Variants in TTC8 observed in about 807,000 individuals in gnomAD.
TTC8 encodes the protein tetratricopeptide repeat protein 8.
TTC8 carries 47 observed loss-of-function variants against 72.5 expected under a neutral mutation model. The observed-to-expected ratio is 0.65, with a 90% CI of 0.51 to 0.83. The LOEUF (loss-of-function observed/expected upper bound fraction) is 0.83, where lower values mean the gene tolerates loss of function less well. TTC8 is among the 40% of genes least tolerant of loss of function. TTC8 has a pLI of 0.00. For missense variants in TTC8, 611 were observed against 623.2 expected, an observed-to-expected ratio of 0.98 and a Z score of 0.21; for synonymous variants, 199 against 221.4, an observed-to-expected ratio of 0.90 and a Z score of 0.90.
downstream of TTC8, chr14:88,880,995 G>T (rs1454870741): frequency 6.6e-6 from 1 of 151,928 alleles, no homozygotes; most frequent in Non-Finnish European, 1.5e-5. Context: ...TGAGGTGAAG[G>T]TACTGTCAAA....
chr14:88,868,713 C>G (rs187731183), intron 10 of TTC8, among the ~76,000 whole-genome samples: 2 of 152,102 alleles, frequency 1.3e-5, no homozygotes, highest in Admixed American at 6.6e-5. Flanking sequence ...TGGGTAATTA[C>G]TCTTGGGAGC....
At position 88,841,387 on chromosome 14, in the gene TTC8, A is replaced by G. The variant is rs193060216; in HGVS notation, c.490-38A>G. The G allele has an allele frequency of 1.1e-4, 171 of 1,605,122 alleles. No individual in the cohort carries two copies. In the Admixed American group the frequency reaches 2.8e-3, roughly 26 times the overall value. On this transcript the variant is annotated intron_variant, in intron 5 of 14. Transcript: ENST00000380656. ...TAAACTTGTTTACATTTCAAGAGAA[A>G]GTTTCAGATCTCTTGGTCTATTGTT...
intron 7 of TTC8, among the ~76,000 whole-genome samples, chr14:88,845,904 T>G (rs1490984316): frequency 6.6e-6 from 1 of 151,972 alleles, no homozygotes; most frequent in African/African-American, 2.4e-5. Context: ...GTATGAAGTC[T>G]TATGGGCTAA....
intron 10 of TTC8, among the ~76,000 whole-genome samples, chr14:88,866,197 GA>G (rs2094908516): frequency 6.6e-6 from 1 of 151,994 alleles, no homozygotes; most frequent in African/African-American, 2.4e-5. Flanking sequence ...ATAAATTTGA[GA>G]ATGTAAAAGT....
intron 7 of TTC8, among the ~76,000 whole-genome samples, chr14:88,852,373 T>G (rs1487550200): frequency 6.6e-6 from 1 of 152,222 alleles, no homozygotes; most frequent in Non-Finnish European, 1.5e-5. Context: ...TTTCAGTTTG[T>G]GGCAAAGGGC....
chr14:88,847,109 T>G (rs762217895), intron 7 of TTC8, among the ~76,000 whole-genome samples: 2 of 152,174 alleles, frequency 1.3e-5, no homozygotes, highest in Non-Finnish European at 2.9e-5. Context: ...TGAGTCAGAA[T>G]CCTCAAGGGT....
chr14:88,829,908 C>T (rs554272711), intron 1 of TTC8, among the ~76,000 whole-genome samples: 1 of 152,198 alleles, frequency 6.6e-6, no homozygotes, highest in South Asian at 2.1e-4. Flanking sequence ...CTCTTTGGGG[C>T]CATGGAGACT....
chr14:88,844,012 T>C (rs761692425), intron 7 of TTC8, among the ~76,000 whole-genome samples, 162 bp downstream of exon 7: 5 of 152,110 alleles, frequency 3.3e-5, no homozygotes, highest in Non-Finnish European at 5.9e-5. Context: ...TGTGGGAAAA[T>C]GTGTATAAAT....
chr14:88,833,738 G>T lies in TTC8; in HGVS notation c.144+16G>T. The T allele has an allele frequency of 6.2e-7, 1 of 1,611,764 alleles. No individual in the cohort carries two copies. Among genetic ancestry groups the T allele is most frequent in the South Asian group, 1.1e-5 (1 of 91,030 alleles). Reference sequence around the variant, plus strand: ...AGTGCATCAGGTAAAGAAAGGTTTAGCTGCAACCTTTAGTTTAGAGAATTC... The same window carrying T: ...AGTGCATCAGGTAAAGAAAGGTTTATCTGCAACCTTTAGTTTAGAGAATTC... On this transcript the variant is annotated intron_variant, in intron 2 of 14. Transcript: ENST00000380656.
chr14:88,855,266 G>C (rs1207406921), intron 8 of TTC8, among the ~76,000 whole-genome samples: 2 of 152,116 alleles, frequency 1.3e-5, no homozygotes, highest in African/African-American at 2.4e-5. Flanking sequence ...TTAAGGACAT[G>C]GTTGTTACCT....
intron 13 of TTC8, among the ~76,000 whole-genome samples, chr14:88,874,289 T>G (rs930651541): frequency 6.6e-6 from 1 of 152,188 alleles, no homozygotes; most frequent in African/African-American, 2.4e-5. Flanking sequence ...AAATTTGTCT[T>G]CAGGGTCATG....
At chr14:88,870,255 T>C in intron 11 of TTC8, 57 bp downstream of exon 11, 1 of 1,570,896 alleles carries the variant, frequency 6.4e-7, no homozygotes. Flanking sequence ...GATAAAATAA[T>C]AAGAAAGATG....
At chr14:88,860,193 C>T (rs900775184) in intron 9 of TTC8, among the ~76,000 whole-genome samples, 1 of 150,386 alleles carries the variant, frequency 6.6e-6, no homozygotes, top group African/African-American at 2.4e-5. Flanking sequence ...TTATCCATAC[C>T]TCTCTCTCTC....
At chr14:88,843,487 G>A (rs1322444513) in intron 6 of TTC8, among the ~76,000 whole-genome samples, 1 of 151,998 alleles carries the variant, frequency 6.6e-6, no homozygotes, top group African/African-American at 2.4e-5. Context: ...CATAATCACT[G>A]TATAATATAT....
At chr14:88,855,486 G>A (rs2094851935) in intron 8 of TTC8, among the ~76,000 whole-genome samples, 2 of 152,090 alleles carry the variant, frequency 1.3e-5, no homozygotes, top group Non-Finnish European at 2.9e-5. Context: ...TTCATGTGGT[G>A]GATTCCTTTT....
At chr14:88,844,934 A>G (rs1056975971) in intron 7 of TTC8, among the ~76,000 whole-genome samples, 1 of 152,162 alleles carries the variant, frequency 6.6e-6, no homozygotes, top group African/African-American at 2.4e-5. Context: ...TCCTGCCTCT[A>G]CAAGCCATGT....
At chr14:88,835,264 T>G (rs1465080607) in intron 2 of TTC8, among the ~76,000 whole-genome samples, 1 of 152,240 alleles carries the variant, frequency 6.6e-6, no homozygotes, top group African/African-American at 2.4e-5. Context: ...ACAGAATAAT[T>G]TAAACATGCT....
At chr14:88,878,182 T>C (rs547842036), downstream of TTC8, 17 of 152,210 alleles carry the variant, frequency 1.1e-4, no homozygotes, top group African/African-American at 4.1e-4. Flanking sequence ...AGATTAGAAA[T>C]AGAGTCACAG....
At chr14:88,851,309 A>G (rs574573356) in intron 7 of TTC8, among the ~76,000 whole-genome samples, 2 of 152,266 alleles carry the variant, frequency 1.3e-5, no homozygotes, top group South Asian at 4.1e-4. Context: ...TTCTGTATCA[A>G]TAATTTATAT....
Sources: gnomAD v4.1 joint callset for allele counts (sites outside exome capture counted in the v4.1 genomes callset) on GRCh38, gnomAD v4.1.1 for gene constraint, MANE v1.5 for transcripts, NCBI Gene and HGNC (gene_info 2026-07-23, HGNC 2026-07-21) for gene names.